The following PKP2 variants were observed in gnomAD, a reference collection of about 807,000 sequenced individuals.
The protein encoded by PKP2 is plakophilin 2, also known as plakophilin-2.
PKP2 carries 73 observed loss-of-function variants against 83.4 expected under a neutral mutation model. The observed-to-expected ratio is 0.88, with a 90% CI of 0.72 to 1.06. PKP2 has a LOEUF of 1.06. PKP2 is among the 50% of genes least tolerant of loss of function. The probability of loss-of-function intolerance (pLI) is 0.00; values close to 1 mark genes in which losing one functional copy is unlikely to be tolerated. For missense variants in PKP2, 966 were observed against 1,065.4 expected (o/e 0.91, Z 1.30); for synonymous variants, 409 against 430.4 (o/e 0.95, Z 0.62).
intron 1 of PKP2, among the ~76,000 whole-genome samples, chr12:32,883,433 T>A (rs1244258303): frequency 6.6e-6 from 1 of 152,186 alleles, no homozygotes; most frequent in East Asian, 1.9e-4. Flanking sequence ...GGAAATGAAT[T>A]TCTTTAAAAT....
intron 9 of PKP2, 150 bp from the exon 10 acceptor site, chr12:32,802,706 T>G: frequency 1.4e-6 from 1 of 704,218 alleles, no homozygotes; most frequent in Non-Finnish European, 2.4e-6. Context: ...TCATTCAGGC[T>G]GGAGTGCAGT....
intron 4 of PKP2, among the ~76,000 whole-genome samples, chr12:32,858,077 AAAAAAAAATATAT>A (rs1168550945): frequency 3.1e-5 from 2 of 64,838 alleles, no homozygotes; most frequent in African/African-American, 7.0e-5. Flanking sequence ...AAAAAAAAAA[AAAAAAAAATATAT>A]ATATATATAT....
chr12:32,835,762 AACC>A (rs1956541195), intron 6 of PKP2, among the ~76,000 whole-genome samples: 1 of 152,210 alleles, frequency 6.6e-6, no homozygotes, highest in African/African-American at 2.4e-5. Flanking sequence ...AATGTTTAAC[AACC>A]AGCTTTCTGG....
intron 5 of PKP2, among the ~76,000 whole-genome samples, chr12:32,842,527 C>G (rs1464351133): frequency 1.3e-5 from 2 of 152,058 alleles, no homozygotes. Flanking sequence ...AGGCATGAGC[C>G]ATTGCCTGGC....
intron 4 of PKP2, among the ~76,000 whole-genome samples, chr12:32,861,815 G>A (rs1377030866): frequency 6.6e-6 from 1 of 152,170 alleles, no homozygotes; most frequent in Non-Finnish European, 1.5e-5. Flanking sequence ...CTCATGTATG[G>A]AGGAAGAAAG....
chr12:32,864,254 C>T (rs1261431173), intron 4 of PKP2, among the ~76,000 whole-genome samples: 13 of 151,316 alleles, frequency 8.6e-5, no homozygotes, highest in African/African-American at 1.2e-4. Flanking sequence ...AATATGCCCA[C>T]GCTCACCACT....
At chr12:32,818,904 A>T (rs1956345545) in intron 9 of PKP2, among the ~76,000 whole-genome samples, 3 of 152,200 alleles carry the variant, frequency 2.0e-5, no homozygotes, top group Admixed American at 2.0e-4. Context: ...TTATCACAGC[A>T]TCTAAGCATA....
intron 1 of PKP2, among the ~76,000 whole-genome samples, chr12:32,887,609 T>G (rs542379375): frequency 1.3e-5 from 2 of 152,224 alleles, no homozygotes; most frequent in African/African-American, 4.8e-5. Context: ...TGTGCCACCA[T>G]GCTGACTAAT....
At chr12:32,842,089 T>A (rs1021410147) in intron 5 of PKP2, among the ~76,000 whole-genome samples, 29 of 152,220 alleles carry the variant, frequency 1.9e-4, no homozygotes, top group African/African-American at 6.3e-4. Flanking sequence ...GGCTGAGTAC[T>A]GAGAGAAAAT....
At chr12:32,805,205 C>T (rs921939417) in intron 9 of PKP2, among the ~76,000 whole-genome samples, 3 of 151,148 alleles carry the variant, frequency 2.0e-5, no homozygotes, top group African/African-American at 7.3e-5. Context: ...GGATATTAGA[C>T]CTTTGTCAGG....
intron 11 of PKP2, among the ~76,000 whole-genome samples, chr12:32,794,116 G>A (rs570104049): frequency 2.0e-5 from 3 of 152,276 alleles, no homozygotes; most frequent in African/African-American, 7.2e-5. Context: ...CTTCAAGAGT[G>A]AAAAGTCTTT....
chr12:32,809,577 T>C (rs1406143515), intron 9 of PKP2, among the ~76,000 whole-genome samples: 1 of 152,220 alleles, frequency 6.6e-6, no homozygotes, highest in Non-Finnish European at 1.5e-5. Context: ...GCCCCCTTCC[T>C]AGGGGAAGGT....
chr12:32,843,437 G>T, intron 5 of PKP2: 1 of 643,582 alleles, frequency 1.6e-6, no homozygotes, highest in Non-Finnish European at 2.7e-6. Context: ...AGCCTGTATA[G>T]TTAAAGCTTG....
intron 4 of PKP2, among the ~76,000 whole-genome samples, chr12:32,860,334 A>C (rs1223531428): frequency 6.6e-6 from 1 of 152,170 alleles, no homozygotes; most frequent in Non-Finnish European, 1.5e-5. Flanking sequence ...TGGTATGAGG[A>C]AACTGTCTGA....
chr12:32,883,051 C>T (rs1956999954), intron 1 of PKP2, among the ~76,000 whole-genome samples: 1 of 152,154 alleles, frequency 6.6e-6, no homozygotes, highest in African/African-American at 2.4e-5. Context: ...AACATAAGTT[C>T]TTAGAAGAAA....
At chr12:32,802,612 T>C (rs1956193136) in intron 9 of PKP2, 56 bp from the exon 10 acceptor site, 7 of 1,483,832 alleles carry the variant, frequency 4.7e-6, no homozygotes, top group African/African-American at 1.4e-5. Flanking sequence ...ACGATAACAT[T>C]AAGTTTTCTG....
chr12:32,847,821 G>A (rs1592749382), intron 5 of PKP2, among the ~76,000 whole-genome samples: 1 of 151,882 alleles, frequency 6.6e-6, no homozygotes, highest in Non-Finnish European at 1.5e-5. Flanking sequence ...AAAATCCAAC[G>A]CGGGTGCAGT....
rs1323669503 is a variant in PKP2, at chr12:32,791,124, T to A, written c.*1300A>T. On this transcript the variant is annotated 3_prime_UTR_variant, in exon 13 of 13. Coordinates refer to ENST00000340811, the MANE Select transcript of PKP2 (RefSeq NM_001005242.3). The stretch of plus-strand genomic sequence containing the variant: ...AATGTTGTCAGATTAAAAAAAAAAA[T>A]AACAGAATAGTAGTTGTAAAGACTA... The A allele has an allele frequency of 6.6e-6, 1 of 151,782 alleles. No homozygotes were observed. The highest frequency in any genetic ancestry group is 1.5e-5 in the Non-Finnish European group (1 of 67,966). The allele number at this position is 151,782 out of a possible 1,614,324, so 9.4% of individuals were successfully genotyped here. A position where few individuals can be genotyped will look rare whatever the true frequency, so the allele number is the denominator to read the frequency against.
rs768906235 is a variant in PKP2, at chr12:32,878,271, G to A, written c.609C>T (p.Ser203=). 6.2e-7 allele frequency: 1 copy of A among 1,614,074 alleles called. No individual in the cohort carries two copies. Among genetic ancestry groups the A allele is most frequent in the Non-Finnish European group, 8.5e-7 (1 of 1,180,028 alleles). ...RYARSEIVGV[S]RAGTTSRQRH... is the part of the protein sequence containing the mutation. ...GCTGCCTGCTTGTGGTGCCAGCACG[G>A]CTGACCCCCACGATCTCGGAACGAG... Residue 203 remains serine, a synonymous_variant, in exon 3 of 13, where the codon AGC becomes AGT. Transcript: ENST00000340811.
Sources: allele counts gnomAD v4.1 joint callset (sites outside exome capture counted in the v4.1 genomes callset), GRCh38; gene constraint gnomAD v4.1.1; transcripts MANE v1.5; gene names NCBI Gene and HGNC (gene_info 2026-07-23, HGNC 2026-07-21).